Variants in HHLA2 observed in about 807,000 individuals in gnomAD.
HHLA2 encodes HHLA2 member of B7 family, also known as HERV-H LTR-associating protein 2.
Under a neutral mutation model 45.9 loss-of-function variants are expected in HHLA2, and 48 were observed. The ratio of observed to expected loss-of-function variants is 1.05; its 90% CI spans 0.83 to 1.33. The LOEUF is 1.33. Among genes scored for constraint, HHLA2 ranks in the 40% most tolerant of loss-of-function variants. HHLA2 has a pLI of 0.00. For missense variants in HHLA2, 462 were observed against 494.3 expected (o/e 0.93, Z 0.62); for synonymous variants, 161 against 173.9 (o/e 0.93, Z 0.59).
intron 6 of HHLA2, among the ~76,000 whole-genome samples, chr3:108,357,489 C>CA (rs952286428): frequency 1.1e-4 from 16 of 152,094 alleles, no homozygotes; most frequent in African/African-American, 3.9e-4. Context: ...GGACCACCAG[C>CA]ATTAGAGGGG....
At chr3:108,318,378 A>G (rs2081139964) in intron 2 of HHLA2, among the ~76,000 whole-genome samples, 1 of 152,150 alleles carries the variant, frequency 6.6e-6, no homozygotes, top group South Asian at 2.1e-4. Flanking sequence ...CACTTTGACA[A>G]ACATGGTCTC....
intron 3 of HHLA2, among the ~76,000 whole-genome samples, chr3:108,331,281 T>C (rs2081381331): frequency 6.6e-6 from 1 of 152,188 alleles, no homozygotes; most frequent in Non-Finnish European, 1.5e-5. Context: ...TATCATTTCA[T>C]AGTTTTTATA....
At chr3:108,315,801 T>C (rs1436277731) in intron 2 of HHLA2, among the ~76,000 whole-genome samples, 1 of 152,224 alleles carries the variant, frequency 6.6e-6, no homozygotes, top group East Asian at 1.9e-4. Context: ...GCGTTTTCTT[T>C]TATCTTGATT....
intron 8 of HHLA2, among the ~76,000 whole-genome samples, chr3:108,363,591 A>G (rs556889272): frequency 1.2e-4 from 18 of 152,316 alleles, no homozygotes; most frequent in African/African-American, 3.4e-4. Context: ...CGTACTAATA[A>G]GCAGGATAGT....
At chr3:108,343,861 T>C (rs987531141) in intron 3 of HHLA2, among the ~76,000 whole-genome samples, 85 of 152,306 alleles carry the variant, frequency 5.6e-4, no homozygotes, top group African/African-American at 2.0e-3. Context: ...AAATTGACAT[T>C]GGAAAAGAAG....
intron 2 of HHLA2, 124 bp downstream of exon 2, chr3:108,310,865 T>C (rs1293552558): frequency 6.6e-6 from 1 of 152,580 alleles, no homozygotes; most frequent in Non-Finnish European, 1.5e-5. Context: ...TTTTGGCAAA[T>C]GTATGCAGAT....
At chr3:108,318,078 G>A (rs897998874) in intron 2 of HHLA2, among the ~76,000 whole-genome samples, 4 of 151,798 alleles carry the variant, frequency 2.6e-5, no homozygotes, top group Non-Finnish European at 5.9e-5. Flanking sequence ...CTACTCAGGA[G>A]GCTGAGGCAG....
exon 11 of HHLA2, chr3:108,377,614 G>C (rs757317044): frequency 5.1e-5 from 12 of 233,522 alleles, no homozygotes; most frequent in Non-Finnish European, 8.5e-5. Context: ...TGGAAGAAAT[G>C]CATCACTAGG....
chr3:108,315,277 A>G (rs1004973709), intron 2 of HHLA2, among the ~76,000 whole-genome samples: 1 of 152,324 alleles, frequency 6.6e-6, no homozygotes, highest in East Asian at 1.9e-4. Context: ...TTTGGAGACA[A>G]GAACTTCAGC....
Position 108,369,760 on chromosome 3 carries a change from G to C in HHLA2, c.1109-5990G>C, listed in dbSNP as rs578118443. 1.8e-3 allele frequency among the ~76,000 whole-genome samples: 269 copies of C among 152,278 alleles called. 2 individuals are homozygous for C. The highest frequency in any genetic ancestry group is 5.9e-3 in the African/African-American group (247 of 41,552). On this transcript the variant is annotated intron_variant, in intron 8 of 10. Transcript: ENST00000619531. ...CAAACTGCAAGGCAGCAGCGAGCCT[G>C]GGGGAGGGGCACCCACCATTGCCGA... is the stretch of plus-strand genomic sequence containing the variant.
chr3:108,370,309 C>T (rs1445986634), intron 8 of HHLA2, among the ~76,000 whole-genome samples: 1 of 152,172 alleles, frequency 6.6e-6, no homozygotes, highest in Non-Finnish European at 1.5e-5. Flanking sequence ...AGGGCATCCA[C>T]ACCAAAAACC....
intron 3 of HHLA2, among the ~76,000 whole-genome samples, chr3:108,331,236 T>C (rs1252289912): frequency 6.6e-6 from 1 of 152,218 alleles, no homozygotes; most frequent in Non-Finnish European, 1.5e-5. Flanking sequence ...TCCAGATATA[T>C]TGACTCAATC....
chr3:108,350,279 T>C (rs897310073), intron 3 of HHLA2, among the ~76,000 whole-genome samples: 2 of 152,204 alleles, frequency 1.3e-5, no homozygotes, highest in African/African-American at 2.4e-5. Flanking sequence ...GCAATTGGAC[T>C]CATAACTTTG....
chr3:108,330,315 G>A (rs2081361272), intron 3 of HHLA2, among the ~76,000 whole-genome samples: 1 of 152,144 alleles, frequency 6.6e-6, no homozygotes, highest in Non-Finnish European at 1.5e-5. Context: ...GACCACTGCA[G>A]GCAGAACTCT....
At chr3:108,328,262 C>T (rs866309275) in intron 2 of HHLA2, 2 of 1,389,262 alleles carry the variant, frequency 1.4e-6, no homozygotes, top group Non-Finnish European at 9.5e-7. Context: ...CTAATTTTAT[C>T]CACACAGCAT....
exon 6 of HHLA2, chr3:108,355,217 T>G: frequency 6.2e-7 from 1 of 1,613,862 alleles, no homozygotes. Context: ...ACGTGGAAAA[T>G]GGACAACACA....
At chr3:108,363,134 G>C (rs2082007803) in intron 8 of HHLA2, among the ~76,000 whole-genome samples, 1 of 152,164 alleles carries the variant, frequency 6.6e-6, no homozygotes, top group African/African-American at 2.4e-5. Context: ...ATCATGGGAA[G>C]TACTTTTAGG....
At position 108,297,901 on chromosome 3, in the gene HHLA2, A is replaced by G. The variant is rs548843922; in HGVS notation, c.-192+1302A>G. 7.9e-5 allele frequency among the ~76,000 whole-genome samples: 12 copies of G among 152,194 alleles called. No homozygotes were observed. In the South Asian group the frequency reaches 1.9e-3, roughly 24 times the overall value. On this transcript the variant is annotated intron_variant, in intron 1 of 10. Transcript: ENST00000619531. ...GTGACCGGTGTAGGTCACGTAGTAC[A>G]GCATTAAACAAGGTGTTTTTCCTCC...
intron 1 of HHLA2, among the ~76,000 whole-genome samples, chr3:108,304,133 A>G (rs2080891252): frequency 6.6e-6 from 1 of 152,010 alleles, no homozygotes; most frequent in African/African-American, 2.4e-5. Context: ...TGTATAAGCT[A>G]TGCTCCCATT....
Sources: gnomAD v4.1 joint callset for allele counts (sites outside exome capture counted in the v4.1 genomes callset) on GRCh38, gnomAD v4.1.1 for gene constraint, MANE v1.5 for transcripts, NCBI Gene and HGNC (gene_info 2026-07-23, HGNC 2026-07-21) for gene names.